Variants in SLIT3 observed in about 807,000 individuals in gnomAD.
SLIT3 encodes the protein slit guidance ligand 3.
SLIT3 carries 68 observed loss-of-function variants against 184.0 expected under a neutral mutation model. The observed-to-expected ratio is 0.37, with a 90% CI of 0.30 to 0.45. SLIT3 has a LOEUF of 0.45. Among genes scored for constraint, SLIT3 ranks in the 20% least tolerant of loss-of-function variants. The pLI is 1.00. For synonymous variants in SLIT3, 831 were observed against 828.6 expected (o/e 1.00, Z -0.05); for missense variants, 1,707 against 2,026.0 (o/e 0.84, Z 3.02).
rs746296663 is a variant in SLIT3 at position 168,671,289 on chromosome 5, C to A, written c.4036G>T (p.Val1346Leu). Residue 1346 changes from valine (V) to leucine (L), a missense_variant, in exon 34 of 36, where the codon GTG becomes TTG. By Grantham distance (32) the Val-to-Leu change is conservative (BLOSUM62 1). This residue lies in a region of SLIT3 where 387 missense variants were observed against 477.9 expected (regional missense o/e 0.81). Coordinates refer to ENST00000519560, the MANE Select transcript of SLIT3 (RefSeq NM_003062.4). Reference protein sequence around the residue: ...TVCKHGLCRSVEKDSVVCECR... With the variant: ...TVCKHGLCRSLEKDSVVCECR... ...TCGCACACCACGCTGTCCTTCTCCA[C>A]GGAGCGGCACAGGCCGTGCTTGCAC... is the stretch of plus-strand genomic sequence containing the variant. 3.1e-6 allele frequency: 5 copies of A among 1,613,744 alleles called. No individual in the cohort carries two copies. The South Asian group carries it at 4.4e-5, about 14-fold the overall frequency.
chr5:168,701,316 A>G (rs1224952255), intron 26 of SLIT3, among the ~76,000 whole-genome samples: 1 of 152,260 alleles, frequency 6.6e-6, no homozygotes, highest in East Asian at 1.9e-4. Context: ...CTACAAAGTG[A>G]CAACCCCAGA....
intron 23 of SLIT3, among the ~76,000 whole-genome samples, chr5:168,721,119 G>C (rs1298939901): frequency 1.3e-5 from 2 of 152,196 alleles, no homozygotes; most frequent in Non-Finnish European, 2.9e-5. Context: ...CACTATTATA[G>C]TAATAATGAT....
intron 4 of SLIT3, among the ~76,000 whole-genome samples, chr5:168,978,106 G>T (rs993974495): frequency 2.0e-5 from 3 of 152,188 alleles, no homozygotes; most frequent in Non-Finnish European, 4.4e-5. Context: ...GAAGACTTCT[G>T]GAGGGGTTGC....
At chr5:169,245,614 A>G (rs1250888979) in intron 2 of SLIT3, among the ~76,000 whole-genome samples, 1 of 152,142 alleles carries the variant, frequency 6.6e-6, no homozygotes, top group Non-Finnish European at 1.5e-5. Flanking sequence ...CGGGGATGCA[A>G]TTGTGATTGG....
chr5:168,787,319 G>A (rs978128341), intron 11 of SLIT3, among the ~76,000 whole-genome samples: 1 of 152,196 alleles, frequency 6.6e-6, no homozygotes, highest in Non-Finnish European at 1.5e-5. Flanking sequence ...CACACCACCC[G>A]CCATGCCTTG....
chr5:168,935,459 C>A (rs982239113), intron 4 of SLIT3, among the ~76,000 whole-genome samples: 6 of 152,182 alleles, frequency 3.9e-5, no homozygotes, highest in African/African-American at 1.4e-4. Flanking sequence ...CCAGAGAGTA[C>A]CTTCCTCAAA....
chr5:168,806,581 T>A lies in SLIT3; in HGVS notation c.800A>T (p.His267Leu). Residue 267 changes from histidine (H) to leucine (L), a missense_variant, in exon 9 of 36, where the codon CAC becomes CTC. Transcript: ENST00000519560. The stretch of plus-strand genomic sequence containing the variant: ...GGCATTGCAGGATGGGGGCTCCGAG[T>A]GGGGGGCTGTGGAGCCAAGACACAA... Reference protein sequence around the residue: ...QKKEYVCPAPHSEPPSCNANS... With the variant: ...QKKEYVCPAPLSEPPSCNANS... 2 of 1,613,704 alleles carry A rather than the reference T, an allele frequency of 1.2e-6. No homozygotes were observed. Among genetic ancestry groups the A allele is most frequent in the Non-Finnish European group, 1.7e-6 (2 of 1,179,892 alleles).
At chr5:168,698,025 T>G (rs1762110707) in intron 27 of SLIT3, among the ~76,000 whole-genome samples, 1 of 152,154 alleles carries the variant, frequency 6.6e-6, no homozygotes, top group African/African-American at 2.4e-5. Context: ...TGGAGAGCTG[T>G]CCAGGAGACT....
intron 32 of SLIT3, among the ~76,000 whole-genome samples, chr5:168,678,436 G>A (rs1761480222): frequency 6.6e-6 from 1 of 152,086 alleles, no homozygotes. Context: ...TCCCTGTTGG[G>A]AATTTGGGAG....
At chr5:169,010,658 T>C (rs897408666) in intron 4 of SLIT3, among the ~76,000 whole-genome samples, 1 of 152,194 alleles carries the variant, frequency 6.6e-6, no homozygotes, top group African/African-American at 2.4e-5. Context: ...TCCTAGCACT[T>C]TGGGAGGCTG....
At chr5:168,982,458 C>T (rs986361401) in intron 4 of SLIT3, among the ~76,000 whole-genome samples, 3 of 152,172 alleles carry the variant, frequency 2.0e-5, no homozygotes, top group Admixed American at 6.6e-5. Flanking sequence ...TTCCCAGCCT[C>T]CAGAACTGAA....
At position 168,870,170 on chromosome 5, in the gene SLIT3, T is replaced by G. The variant is rs1216588562; in HGVS notation, c.485+13095A>C. Among the ~76,000 whole-genome samples, 8 of 152,370 alleles carry G rather than the reference T, an allele frequency of 5.3e-5. No homozygotes were observed. The East Asian group carries it at 5.8e-4, about 11-fold the overall frequency. ...CCGTCCTGCACTCTGCACAAGCAAC[T>G]TATTTATTCATCTAGCAAATATTTT... On this transcript the variant is annotated intron_variant, in intron 5 of 35. Transcript: ENST00000519560.
At chr5:169,092,952 T>C (rs554533490) in intron 4 of SLIT3, among the ~76,000 whole-genome samples, 95 of 152,292 alleles carry the variant, frequency 6.2e-4, no homozygotes, top group African/African-American at 2.2e-3. Flanking sequence ...TATTTCTAAG[T>C]GGATGGAGGA....
chr5:169,202,636 G>A (rs1023001034), intron 3 of SLIT3, among the ~76,000 whole-genome samples: 2 of 152,154 alleles, frequency 1.3e-5, no homozygotes, highest in African/African-American at 4.8e-5. Context: ...TGCCGGCCAT[G>A]CCTCTCTGGT....
In SLIT3 at chr5:168,817,613, CA is replaced by C. The variant is rs1218462577; in HGVS notation, c.630-151del. The C allele has an allele frequency of 4.5e-5, 31 of 695,774 alleles. No homozygotes were observed. The East Asian group carries it at 5.7e-4, about 13-fold the overall frequency. 43.1% of individuals were successfully genotyped at this position (695,774 alleles called of 1,614,324 possible). A position where few individuals can be genotyped will look rare whatever the true frequency, so the allele number is the denominator to read the frequency against. On this transcript the variant is annotated intron_variant, in intron 7 of 35. Coordinates refer to ENST00000519560, the MANE Select transcript of SLIT3 (RefSeq NM_003062.4). ...AGGGAAGCAATTCCCTCTGCACTAC[CA>C]AAAACATGGGAGCCCCAACCCTTTC...
intron 27 of SLIT3, 48 bp downstream of exon 27, chr5:168,700,534 T>G: frequency 7.8e-7 from 1 of 1,289,694 alleles, no homozygotes; most frequent in Non-Finnish European, 1.1e-6. Context: ...TTATTAGCAG[T>G]GTGAGAGCAA....
chr5:169,000,392 C>CAAAA (rs34002967), intron 4 of SLIT3, among the ~76,000 whole-genome samples: 106 of 42,300 alleles, frequency 2.5e-3, no homozygotes, highest in African/African-American at 4.7e-3. Flanking sequence ...AACTCCATCT[C>CAAAA]AAAAAAAAAA....
rs116715008 is a variant in SLIT3, at chr5:168,829,822, A to G, written c.558-6491T>C. Reference sequence around the variant, plus strand: ...GAAACACCTAAACCACAGGCAGGGGACGATGTGCACAGAGGGGTTCTGGCA... The same window carrying G: ...GAAACACCTAAACCACAGGCAGGGGGCGATGTGCACAGAGGGGTTCTGGCA... On this transcript the variant is annotated intron_variant, in intron 6 of 35. Transcript: ENST00000519560. 3.2e-3 allele frequency among the ~76,000 whole-genome samples: 492 copies of G among 152,318 alleles called. 1 individual carries two copies. The highest frequency in any genetic ancestry group is 0.012 in the African/African-American group (480 of 41,578).
chr5:168,840,634 GACTT>G (rs1479828872), intron 6 of SLIT3, among the ~76,000 whole-genome samples: 3 of 152,032 alleles, frequency 2.0e-5, no homozygotes, highest in Admixed American at 6.6e-5. Flanking sequence ...GTATAAGCAC[GACTT>G]ACTTGGAGAA....
Sources: gnomAD v4.1 joint callset for allele counts (sites outside exome capture counted in the v4.1 genomes callset) on GRCh38, gnomAD v4.1.1 for gene constraint, gnomAD v4.1.1 regional missense constraint, MANE v1.5 for transcripts, NCBI Gene and HGNC (gene_info 2026-07-23, HGNC 2026-07-21) for gene names.